DGKZ: variants seen among roughly 807,000 people sequenced by gnomAD.
The protein encoded by DGKZ is DAG kinase zeta.
In DGKZ, 45 loss-of-function variants were observed where a neutral mutation model predicts 142.5. The ratio of observed to expected loss-of-function variants is 0.32; its 90% CI spans 0.25 to 0.40. The LOEUF is 0.40. DGKZ is among the 10% of genes least tolerant of loss of function. The pLI is 1.00. For synonymous variants in DGKZ, 442 were observed against 527.0 expected (o/e 0.84, Z 2.21); for missense variants, 755 against 1,306.5 (o/e 0.58, Z 6.51).
rs1347905024 is a variant in DGKZ, at chr11:46,372,402, G to A, written c.928-26G>A. On this transcript the variant is annotated intron_variant, in intron 10 of 30. Coordinates refer to ENST00000527911, the Ensembl canonical transcript of DGKZ. The surrounding 1 kb of genome is among the most constrained non-coding windows in gnomAD (Gnocchi z 5.9). ...CACTTCGTCCCACCACTGCCTGACT[G>A]TCTCTTGGCTCCCCATCCCATCCAG... is the stretch of plus-strand genomic sequence containing the variant. 4.3e-6 allele frequency: 7 copies of A among 1,612,592 alleles called. No homozygotes were observed. The highest frequency in any genetic ancestry group is 1.1e-5 in the South Asian group (1 of 91,068).
At chr11:46,360,636 A>C (rs111832531) in intron 1 of DGKZ, among the ~76,000 whole-genome samples, 3,270 of 152,190 alleles carry the variant, frequency 0.021, 115 homozygotes, top group African/African-American at 0.069. Context: ...AAATACAAAA[A>C]TTAGCTGGGC....
rs942435845 is a variant in DGKZ, at chr11:46,366,930, A to G, written c.162-361A>G. The G allele has an allele frequency of 2.6e-6, 4 of 1,542,478 alleles. No homozygotes were observed. The African/African-American group carries it at 5.5e-5, about 21-fold the overall frequency. ...GTGCGCCCACTGTCCCGCAGGCGCC[A>G]GGTAGCCCTACGGCGCAAGGCGGCC... On this transcript the variant is annotated intron_variant, in intron 1 of 30. Coordinates refer to ENST00000527911, the Ensembl canonical transcript of DGKZ.
At chr11:46,348,083 C>T (rs1940891907) in intron 1 of DGKZ, among the ~76,000 whole-genome samples, 1 of 152,138 alleles carries the variant, frequency 6.6e-6, no homozygotes, top group Admixed American at 6.5e-5. Context: ...GTCTAGTGCG[C>T]CTCATGTGTA....
chr11:46,364,336 C>T, intron 1 of DGKZ: 1 of 1,280,760 alleles, frequency 7.8e-7, no homozygotes, highest in Non-Finnish European at 1.0e-6. Context: ...AAGTGTTTGT[C>T]AGGGGCTTAG....
intron 1 of DGKZ, among the ~76,000 whole-genome samples, chr11:46,352,448 G>T (rs1941516560): frequency 6.6e-6 from 1 of 152,208 alleles, no homozygotes; most frequent in African/African-American, 2.4e-5. Flanking sequence ...TGCGGCCCAG[G>T]GCAGGCTGGG....
At position 46,372,942 on chromosome 11, in the gene DGKZ, T is replaced by G. The variant is rs764597793; in HGVS notation, c.1186-19T>G. 4 of 1,551,666 alleles carry G rather than the reference T, an allele frequency of 2.6e-6. No homozygotes were observed. The South Asian group carries it at 4.7e-5, about 18-fold the overall frequency. ...GCCTCTCCAGCCACAGAGGGCTCAG[T>G]CCCTGCCTGCTCCCCCAGGGCTACA... On this transcript the variant is annotated intron_variant, in intron 13 of 30. Coordinates refer to ENST00000527911, the Ensembl canonical transcript of DGKZ. This position sits in a 1 kb window ranked among gnomAD's most constrained non-coding sequence, Gnocchi z 5.9.
chr11:46,357,053 A>T (rs911610065), intron 1 of DGKZ, among the ~76,000 whole-genome samples: 42 of 152,170 alleles, frequency 2.8e-4, no homozygotes, highest in South Asian at 6.2e-4. Context: ...TTTAGGATGA[A>T]TTCTGATGGC....
Position 46,369,347 on chromosome 11 carries a change from G to T in DGKZ, c.445-147G>T, listed in dbSNP as rs185216196. On this transcript the variant is annotated intron_variant, in intron 4 of 30. Transcript: ENST00000527911. ...GAGGCAGGAGGGCTTCTCACAGGAG[G>T]TGTCTCGTGTTTCAAGGACTCTCGT... is the stretch of plus-strand genomic sequence containing the variant. The T allele has an allele frequency of 2.5e-3, 2,068 of 835,850 alleles. 8 individuals are homozygous for T. The highest frequency in any genetic ancestry group is 4.9e-3 in the South Asian group (344 of 69,942). The allele number at this position is 835,850 out of a possible 1,614,324, so 51.8% of individuals were successfully genotyped here.
chr11:46,378,264 C>T (rs1238588879), intron 26 of DGKZ, 35 bp downstream of exon 26: 6 of 1,591,592 alleles, frequency 3.8e-6, no homozygotes, highest in Non-Finnish European at 5.1e-6. Flanking sequence ...CTCCTTTCTG[C>T]CTGGTTGGGG....
At chr11:46,371,427 G>A (rs749005350) in intron 7 of DGKZ, 43 bp downstream of exon 7, 35 of 1,610,318 alleles carry the variant, frequency 2.2e-5, no homozygotes, top group Admixed American at 3.4e-5. Flanking sequence ...CTGCACTGCT[G>A]GGTTTGGGTC....
intron 21 of DGKZ, 55 bp downstream of exon 21, chr11:46,376,006 G>T (rs957255173): frequency 5.6e-6 from 9 of 1,611,866 alleles, no homozygotes; most frequent in South Asian, 5.5e-5. Flanking sequence ...AAGCAGCCGG[G>T]GCCCCCTTGG....
intron 1 of DGKZ, among the ~76,000 whole-genome samples, chr11:46,353,289 C>G (rs1471676446): frequency 1.3e-5 from 2 of 152,226 alleles, no homozygotes; most frequent in African/African-American, 4.8e-5. Flanking sequence ...TTGGGCCACT[C>G]TACTTAGGAG....
At chr11:46,345,398 T>C (rs1347878462), upstream of DGKZ, 2 of 1,363,050 alleles carry the variant, frequency 1.5e-6, no homozygotes, top group Non-Finnish European at 9.5e-7. This position sits in a 1 kb window ranked among gnomAD's most constrained non-coding sequence, Gnocchi z 4.1. Flanking sequence ...AGGAAGAGAG[T>C]CGCCGGGCAG....
At chr11:46,338,912 G>T (rs1418831119) in intron 1 of DGKZ, 1 of 152,258 alleles carries the variant, frequency 6.6e-6, no homozygotes, top group Non-Finnish European at 1.5e-5. Context: ...TAGAGCTTTT[G>T]TCCTGTGTAG....
chr11:46,359,567 A>G (rs1228984127), intron 1 of DGKZ, among the ~76,000 whole-genome samples: 2 of 152,072 alleles, frequency 1.3e-5, no homozygotes, highest in Admixed American at 6.6e-5. Context: ...GTCCAGTGGA[A>G]AGTTCATTGA....
upstream of DGKZ, among the ~76,000 whole-genome samples, chr11:46,342,534 A>T (rs181501682): frequency 4.5e-4 from 69 of 152,334 alleles, no homozygotes; most frequent in African/African-American, 1.6e-3. Flanking sequence ...GGCCCTGCAC[A>T]GCCTCCTTCC....
intron 4 of DGKZ, 56 bp from the exon 5 acceptor site, chr11:46,369,431 GACCACAT>G (rs1565055841): frequency 4.4e-6 from 7 of 1,599,154 alleles, no homozygotes; most frequent in Non-Finnish European, 6.0e-6. Flanking sequence ...TGGAGGGAGT[GACCACAT>G]ACCTGACCCC....
intron 1 of DGKZ, among the ~76,000 whole-genome samples, chr11:46,355,679 G>A (rs1941934992): frequency 6.6e-6 from 1 of 152,198 alleles, no homozygotes; most frequent in South Asian, 2.1e-4. Flanking sequence ...AGAGTGGGGT[G>A]GGGCCCTGGG....
At chr11:46,357,093 A>G (rs978663289) in intron 1 of DGKZ, among the ~76,000 whole-genome samples, 2 of 152,142 alleles carry the variant, frequency 1.3e-5, no homozygotes, top group African/African-American at 2.4e-5. Context: ...GGGAGGCACT[A>G]AAGGAATGGG....
Sources: gnomAD v4.1 joint callset for allele counts (sites outside exome capture counted in the v4.1 genomes callset) on GRCh38, gnomAD v4.1.1 for gene constraint, Gnocchi (gnomAD v3.1) non-coding constraint, MANE v1.5 for transcripts, NCBI Gene and HGNC (gene_info 2026-07-23, HGNC 2026-07-21) for gene names.